BLTP1: variants seen among roughly 807,000 people sequenced by gnomAD.
BLTP1 encodes fragile site-associated protein.
At chr4:122,253,602 G>A in the BLTP1 span, among the ~76,000 whole-genome samples, 1 of 151,784 alleles carries the variant, frequency 6.6e-6, no homozygotes, top group Non-Finnish European at 1.5e-5. Context: ...ATACATAGAG[G>A]AGACAAAAGA....
the BLTP1 span, among the ~76,000 whole-genome samples, chr4:122,168,721 G>GA: frequency 2.0e-5 from 3 of 151,490 alleles, no homozygotes; most frequent in African/African-American, 7.3e-5. Flanking sequence ...TACACTGTAG[G>GA]AAAAAAAAGG....
the BLTP1 span, among the ~76,000 whole-genome samples, chr4:122,263,758 G>T: frequency 2.6e-5 from 4 of 152,288 alleles, no homozygotes; most frequent in East Asian, 5.8e-4. Context: ...GTAATTGAGA[G>T]AGTAGTAAGC....
At chr4:122,325,158 C>T in the BLTP1 span, 1 of 1,413,550 alleles carries the variant, frequency 7.1e-7, no homozygotes, top group Admixed American at 2.2e-5. Context: ...TGCCATTAAT[C>T]AGACTTTTAT....
At chr4:122,186,043 G>T in the BLTP1 span, 1 of 1,579,430 alleles carries the variant, frequency 6.3e-7, no homozygotes, top group Non-Finnish European at 8.6e-7. Flanking sequence ...TAGATCCAAA[G>T]GCAGAAACCA....
the BLTP1 span, among the ~76,000 whole-genome samples, chr4:122,266,074 G>A: frequency 6.6e-6 from 1 of 152,126 alleles, no homozygotes; most frequent in East Asian, 1.9e-4. Flanking sequence ...AAAAGCACTG[G>A]ATAGCACCTA....
the BLTP1 span, chr4:122,331,081 A>G: frequency 2.8e-5 from 27 of 962,316 alleles, no homozygotes; most frequent in African/African-American, 4.4e-4. Flanking sequence ...ATATACTGAT[A>G]TTCAGACTCC....
the BLTP1 span, chr4:122,189,938 A>G: frequency 6.3e-7 from 1 of 1,588,422 alleles, no homozygotes; most frequent in African/African-American, 1.4e-5. Context: ...ATTAACTAGG[A>G]TACTGAACAT....
chr4:122,170,737 C>G, the BLTP1 span: 1 of 1,587,650 alleles, frequency 6.3e-7, no homozygotes, highest in Non-Finnish European at 8.6e-7. Flanking sequence ...TTGTTTGGCT[C>G]CTTGTTGGTA....
chr4:122,168,829 G>A, the BLTP1 span, among the ~76,000 whole-genome samples: 1 of 152,016 alleles, frequency 6.6e-6, no homozygotes, highest in Non-Finnish European at 1.5e-5. Context: ...ATTGAGCTCT[G>A]TATTATTTTC....
the BLTP1 span, chr4:122,197,368 GTTT>G: frequency 9.8e-7 from 1 of 1,022,836 alleles, no homozygotes; most frequent in Non-Finnish European, 1.3e-6. Context: ...CATTAATAAG[GTTT>G]TCTTTTTCAG....
the BLTP1 span, chr4:122,256,717 T>G: frequency 4.4e-6 from 1 of 228,322 alleles, no homozygotes; most frequent in Non-Finnish European, 7.3e-6. Flanking sequence ...AAAATGTATT[T>G]TAAACTATAT....
chr4:122,341,112 A>G, the BLTP1 span, among the ~76,000 whole-genome samples: 5 of 152,188 alleles, frequency 3.3e-5, no homozygotes, highest in Non-Finnish European at 7.4e-5. Context: ...TGCTTTCAAA[A>G]TAATACTAAA....
At chr4:122,184,002 T>C in the BLTP1 span, among the ~76,000 whole-genome samples, 5 of 152,140 alleles carry the variant, frequency 3.3e-5, no homozygotes, top group African/African-American at 4.8e-5. Context: ...GTTAACAATA[T>C]GGCTTATGTT....
chr4:122,179,307 T>C, the BLTP1 span, among the ~76,000 whole-genome samples: 1 of 152,076 alleles, frequency 6.6e-6, no homozygotes, highest in Non-Finnish European at 1.5e-5. Context: ...ATAAATGCAC[T>C]GCTTGGTCTC....
At chr4:122,215,135 C>G in the BLTP1 span, among the ~76,000 whole-genome samples, 1 of 152,166 alleles carries the variant, frequency 6.6e-6, no homozygotes, top group Non-Finnish European at 1.5e-5. Context: ...AAGTCACTGA[C>G]ACATTTAATA....
the BLTP1 span, among the ~76,000 whole-genome samples, chr4:122,231,060 C>T: frequency 6.6e-6 from 1 of 152,010 alleles, no homozygotes; most frequent in East Asian, 1.9e-4. Flanking sequence ...AGCCATTGCC[C>T]TTATATTAAA....
At chr4:122,215,423 G>C in the BLTP1 span, 15 of 985,366 alleles carry the variant, frequency 1.5e-5, no homozygotes, top group Non-Finnish European at 1.7e-5. Flanking sequence ...GCTGGTAACT[G>C]TTTTGTTGGT....
At chr4:122,295,735 C>G in the BLTP1 span, among the ~76,000 whole-genome samples, 1 of 152,086 alleles carries the variant, frequency 6.6e-6, no homozygotes, top group Non-Finnish European at 1.5e-5. Flanking sequence ...TATCAAAAAG[C>G]TTATCCACCA....
At chr4:122,231,926 C>A in the BLTP1 span, 1 of 748,998 alleles carries the variant, frequency 1.3e-6, no homozygotes, top group Non-Finnish European at 1.6e-6. Context: ...TGACATATAT[C>A]CGAGTATGAA....
Sources: gnomAD v4.1 joint callset for allele counts (sites outside exome capture counted in the v4.1 genomes callset) on GRCh38, gnomAD v4.1.1 for gene constraint, MANE v1.5 for transcripts, NCBI Gene and HGNC (gene_info 2026-07-23, HGNC 2026-07-21) for gene names.